The following PTPRN2 variants were observed in gnomAD, a reference collection of about 807,000 sequenced individuals.
The protein encoded by PTPRN2 is protein tyrosine phosphatase receptor type N2.
Under a neutral mutation model 118.8 loss-of-function variants are expected in PTPRN2, and 74 were observed. The ratio of observed to expected loss-of-function variants is 0.62; its 90% CI spans 0.52 to 0.76. PTPRN2 has a LOEUF of 0.76. Ranked by LOEUF, PTPRN2 falls within the 30% of genes least tolerant of loss-of-function variation. The pLI is 0.00. For synonymous variants in PTPRN2, 641 were observed against 608.0 expected, an observed-to-expected ratio of 1.05 and a Z score of -0.80; for missense variants, 1,481 against 1,394.4, an observed-to-expected ratio of 1.06 and a Z score of -0.99.
intron 1 of PTPRN2, among the ~76,000 whole-genome samples, chr7:158,515,522 A>G (rs1823488540): frequency 6.6e-6 from 1 of 152,106 alleles, no homozygotes; most frequent in African/African-American, 2.4e-5. Context: ...GCATCTCAAC[A>G]TCAGGAAGAA....
At chr7:158,257,000 C>T (rs1208547728) in intron 3 of PTPRN2, among the ~76,000 whole-genome samples, 2 of 152,108 alleles carry the variant, frequency 1.3e-5, no homozygotes, top group South Asian at 2.1e-4. Context: ...CTGTAAATTC[C>T]GGACCCCTAG....
intron 1 of PTPRN2, among the ~76,000 whole-genome samples, chr7:158,534,720 G>T (rs1235877142): frequency 3.9e-5 from 6 of 152,198 alleles, no homozygotes; most frequent in African/African-American, 1.4e-4. Context: ...GTGGCCATCT[G>T]CCCGGGCATG....
intron 11 of PTPRN2, chr7:158,030,230 T>C (rs1440652508): frequency 6.6e-6 from 1 of 152,134 alleles, no homozygotes; most frequent in Admixed American, 6.5e-5. Flanking sequence ...CTCTTAAAGG[T>C]AGAAGACTGC....
At chr7:158,007,409 C>T (rs527515534) in intron 11 of PTPRN2, among the ~76,000 whole-genome samples, 1 of 152,208 alleles carries the variant, frequency 6.6e-6, no homozygotes, top group South Asian at 2.1e-4. Context: ...TGAGCCCACC[C>T]AACACCAAGG....
At chr7:158,189,512 C>T (rs1825590929) in intron 5 of PTPRN2, among the ~76,000 whole-genome samples, 1 of 152,198 alleles carries the variant, frequency 6.6e-6, no homozygotes. Context: ...ATTCAGTAGC[C>T]CGTGAAGAGG....
chr7:158,467,812 C>T (rs2129443873), intron 2 of PTPRN2, among the ~76,000 whole-genome samples: 2 of 152,268 alleles, frequency 1.3e-5, no homozygotes, highest in East Asian at 3.9e-4. Flanking sequence ...GTTTAAGTCA[C>T]TGGCCAAAAC....
At chr7:158,442,514 C>G (rs1170915861) in intron 2 of PTPRN2, among the ~76,000 whole-genome samples, 1 of 152,122 alleles carries the variant, frequency 6.6e-6, no homozygotes, top group Admixed American at 6.5e-5. Context: ...AGTGGAAGCC[C>G]ACTCAGCATT....
At chr7:158,023,858 A>G (rs1234034389) in intron 11 of PTPRN2, among the ~76,000 whole-genome samples, 1 of 151,406 alleles carries the variant, frequency 6.6e-6, no homozygotes, top group Non-Finnish European at 1.5e-5. Flanking sequence ...AGGCAAACAC[A>G]TAGGGCCTGG....
At chr7:158,331,405 A>C (rs7794822) in intron 2 of PTPRN2, among the ~76,000 whole-genome samples, 4 of 134,546 alleles carry the variant, frequency 3.0e-5, no homozygotes, top group African/African-American at 1.2e-4. Flanking sequence ...TCTCACCATA[A>C]GAGCTGAGGC....
chr7:157,915,437 C>G (rs568375073), intron 11 of PTPRN2, among the ~76,000 whole-genome samples: 4 of 142,458 alleles, frequency 2.8e-5, no homozygotes, highest in African/African-American at 1.0e-4. Flanking sequence ...GAAAATGCCA[C>G]CCCCCCACCC....
chr7:158,240,466 T>G (rs1022901708), intron 3 of PTPRN2, among the ~76,000 whole-genome samples: 2 of 152,216 alleles, frequency 1.3e-5, no homozygotes, highest in African/African-American at 4.8e-5. Context: ...TCTCACTCTG[T>G]CGCCCAGGCT....
At chr7:158,326,071 A>T (rs180993150) in intron 2 of PTPRN2, among the ~76,000 whole-genome samples, 111 of 152,236 alleles carry the variant, frequency 7.3e-4, no homozygotes, top group Admixed American at 2.7e-3. Context: ...AGAGAATGGG[A>T]CCACATCCAG....
chr7:157,994,472 C>T (rs930238143), intron 11 of PTPRN2, among the ~76,000 whole-genome samples: 2 of 142,802 alleles, frequency 1.4e-5, no homozygotes, highest in African/African-American at 2.5e-5. Flanking sequence ...TTAGAGCGAG[C>T]GCCTTCCACT....
chr7:157,721,896 A>G (rs1483278691), intron 12 of PTPRN2, among the ~76,000 whole-genome samples: 2 of 152,190 alleles, frequency 1.3e-5, no homozygotes, highest in East Asian at 3.9e-4. Flanking sequence ...TTCCTTCTAG[A>G]GTAGAGGCTC....
chr7:158,470,413 G>T (rs181871965), intron 2 of PTPRN2, among the ~76,000 whole-genome samples: 227 of 152,210 alleles, frequency 1.5e-3, no homozygotes, highest in African/African-American at 5.2e-3. Flanking sequence ...TCAACACAGC[G>T]CTGCCTTCTC....
chr7:158,542,220 G>A (rs1222608531), intron 1 of PTPRN2, among the ~76,000 whole-genome samples: 1 of 152,116 alleles, frequency 6.6e-6, no homozygotes, highest in Admixed American at 6.5e-5. Flanking sequence ...GTGCAATCTC[G>A]GCTCACTGCA....
At chr7:158,458,086 C>T (rs1818668838) in intron 2 of PTPRN2, among the ~76,000 whole-genome samples, 1 of 152,164 alleles carries the variant, frequency 6.6e-6, no homozygotes, top group South Asian at 2.1e-4. Context: ...CTGCAGTGCC[C>T]AGGGTTCCAT....
chr7:158,213,207 TG>T (rs869085152), intron 3 of PTPRN2, among the ~76,000 whole-genome samples: 3 of 4,814 alleles, frequency 6.2e-4, no homozygotes, highest in African/African-American at 2.0e-3. Context: ...GCTCTGTGCT[TG>T]TGTGTGTGTG....
At chr7:158,071,279 C>G (rs1188950244) in intron 11 of PTPRN2, among the ~76,000 whole-genome samples, 1 of 78,626 alleles carries the variant, frequency 1.3e-5, no homozygotes, top group African/African-American at 5.4e-5. Flanking sequence ...TGGAGGTGCC[C>G]GTGGTGGTGG....
Sources: gnomAD v4.1 joint callset for allele counts (sites outside exome capture counted in the v4.1 genomes callset) on GRCh38, gnomAD v4.1.1 for gene constraint, MANE v1.5 for transcripts, NCBI Gene and HGNC (gene_info 2026-07-23, HGNC 2026-07-21) for gene names.